The following PCDH15 variants were observed in gnomAD, a reference collection of about 807,000 sequenced individuals.
PCDH15 encodes protocadherin-15.
A neutral mutation model predicts 178.5 loss-of-function variants in PCDH15; 129 were observed. The observed-to-expected ratio is 0.72, with a 90% CI of 0.63 to 0.84. The LOEUF (loss-of-function observed/expected upper bound fraction) is 0.84, where lower values mean the gene tolerates loss of function less well. Among genes scored for constraint, PCDH15 ranks in the 40% least tolerant of loss-of-function variants. The probability of loss-of-function intolerance (pLI) is 0.00; values close to 1 mark genes in which losing one functional copy is unlikely to be tolerated. For synonymous variants in PCDH15, 800 were observed against 732.0 expected (o/e 1.09, Z -1.50); for missense variants, 2,230 against 2,099.9 (o/e 1.06, Z -1.21).
intron 21 of PCDH15, among the ~76,000 whole-genome samples, chr10:53,968,520 G>C (rs1370689348): frequency 1.3e-5 from 2 of 152,284 alleles, no homozygotes; most frequent in South Asian, 2.1e-4. Context: ...CCCCAGCACA[G>C]AGTTTGAGAT....
chr10:54,538,544 T>C (rs1448520039), intron 2 of PCDH15, among the ~76,000 whole-genome samples: 1 of 152,160 alleles, frequency 6.6e-6, no homozygotes, highest in East Asian at 1.9e-4. Context: ...AAAAGCTATG[T>C]TGTTTTTGCT....
intron 5 of PCDH15, among the ~76,000 whole-genome samples, chr10:54,348,981 A>G (rs1461069047): frequency 6.6e-6 from 1 of 152,104 alleles, no homozygotes. Context: ...TTTATCCATA[A>G]TTTTCAAACT....
At chr10:53,826,231 G>GAAAT (rs888816699) in intron 32 of PCDH15, among the ~76,000 whole-genome samples, 7 of 151,612 alleles carry the variant, frequency 4.6e-5, no homozygotes, top group African/African-American at 1.7e-4. Flanking sequence ...CCTTATTTTG[G>GAAAT]AAATAGAATG....
At chr10:54,788,005 G>A (rs1951051129) in intron 1 of PCDH15, among the ~76,000 whole-genome samples, 1 of 151,766 alleles carries the variant, frequency 6.6e-6, no homozygotes, top group African/African-American at 2.4e-5. Context: ...GCACTGTAGA[G>A]AAAACAGAGT....
At chr10:54,284,843 A>G (rs1229829097) in intron 8 of PCDH15, among the ~76,000 whole-genome samples, 1 of 152,148 alleles carries the variant, frequency 6.6e-6, no homozygotes, top group Non-Finnish European at 1.5e-5. Context: ...TCAGGAGTAG[A>G]GTCTCTAAAA....
At chr10:55,112,572 G>A (rs1466029816) in intron 2 of PCDH15, among the ~76,000 whole-genome samples, 1 of 152,176 alleles carries the variant, frequency 6.6e-6, no homozygotes. Flanking sequence ...ACAGAGAAGT[G>A]AGTAAGGACC....
intron 3 of PCDH15, among the ~76,000 whole-genome samples, chr10:54,890,225 T>G (rs1954435744): frequency 6.6e-6 from 1 of 151,952 alleles, no homozygotes. Flanking sequence ...TGAGCGTGGA[T>G]AAAGATGTAG....
intron 2 of PCDH15, among the ~76,000 whole-genome samples, chr10:54,993,947 TA>T (rs1839574634): frequency 6.6e-6 from 1 of 152,226 alleles, no homozygotes; most frequent in East Asian, 1.9e-4. Flanking sequence ...ATTCTGAAAA[TA>T]ACATTTTTTC....
chr10:54,238,403 T>G (rs2054853400), intron 8 of PCDH15, among the ~76,000 whole-genome samples: 1 of 152,064 alleles, frequency 6.6e-6, no homozygotes, highest in Admixed American at 6.6e-5. Flanking sequence ...ACCAATAATT[T>G]AAACACCATA....
chr10:54,663,146 T>C (rs895290639), intron 2 of PCDH15, among the ~76,000 whole-genome samples: 3 of 151,918 alleles, frequency 2.0e-5, no homozygotes, highest in African/African-American at 4.8e-5. Context: ...TCTTAATATA[T>C]GCACAACTTG....
At chr10:55,609,934 A>G (rs370595770) in intron 2 of PCDH15, among the ~76,000 whole-genome samples, 61 of 152,270 alleles carry the variant, frequency 4.0e-4, no homozygotes, top group African/African-American at 1.4e-3. Flanking sequence ...TACTGTCATA[A>G]TAAGGAGCAA....
intron 2 of PCDH15, among the ~76,000 whole-genome samples, chr10:55,080,320 C>A (rs531873035): frequency 1.3e-5 from 2 of 152,246 alleles, no homozygotes; most frequent in South Asian, 2.1e-4. Flanking sequence ...AGTGCAAACC[C>A]TATTGTAAAC....
intron 1 of PCDH15, among the ~76,000 whole-genome samples, chr10:54,683,198 TATA>T (rs964067634): frequency 6.6e-6 from 1 of 152,234 alleles, no homozygotes; most frequent in African/African-American, 2.4e-5. Context: ...GTACATAACA[TATA>T]ATGTACCATT....
At chr10:55,094,504 C>T (rs1405627735) in intron 2 of PCDH15, among the ~76,000 whole-genome samples, 2 of 151,660 alleles carry the variant, frequency 1.3e-5, no homozygotes, top group African/African-American at 4.8e-5. Flanking sequence ...AACAAACCTG[C>T]ATGTTATGCA....
intron 25 of PCDH15, among the ~76,000 whole-genome samples, chr10:53,926,091 G>A (rs533501017): frequency 1.3e-5 from 2 of 152,150 alleles, no homozygotes; most frequent in East Asian, 1.9e-4. Context: ...TTTATAACCA[G>A]TCATCAAGTC....
At chr10:53,912,974 A>G (rs1438696480) in intron 25 of PCDH15, among the ~76,000 whole-genome samples, 3 of 152,158 alleles carry the variant, frequency 2.0e-5, no homozygotes, top group Admixed American at 1.3e-4. Context: ...AAAAGAGCCC[A>G]CATATCCCAG....
At chr10:54,889,751 T>A (rs1292872784) in intron 3 of PCDH15, among the ~76,000 whole-genome samples, 1 of 151,594 alleles carries the variant, frequency 6.6e-6, no homozygotes, top group Non-Finnish European at 1.5e-5. Flanking sequence ...ACAAGGTTTT[T>A]AATATATTAA....
At chr10:54,119,238 A>C (rs2095171569) in intron 15 of PCDH15, among the ~76,000 whole-genome samples, 2 of 152,138 alleles carry the variant, frequency 1.3e-5, no homozygotes, top group African/African-American at 4.8e-5. Context: ...GAAAATTAAC[A>C]CACAAAAAAA....
intron 2 of PCDH15, among the ~76,000 whole-genome samples, chr10:55,476,003 C>T (rs921446957): frequency 6.6e-6 from 1 of 152,100 alleles, no homozygotes; most frequent in Admixed American, 6.6e-5. Context: ...CTGGGTTTTA[C>T]TTCATTCGAC....
Sources: gnomAD v4.1 joint callset for allele counts (sites outside exome capture counted in the v4.1 genomes callset) on GRCh38, gnomAD v4.1.1 for gene constraint, MANE v1.5 for transcripts, NCBI Gene and HGNC (gene_info 2026-07-23, HGNC 2026-07-21) for gene names.